Variants in PAX2 observed in about 807,000 individuals in gnomAD.
The protein encoded by PAX2 is paired box 2, also known as paired box protein Pax-2.
A neutral mutation model predicts 41.7 loss-of-function variants in PAX2; 9 were observed. The ratio of observed to expected loss-of-function variants is 0.22; its 90% confidence interval spans 0.13 to 0.38. The LOEUF (loss-of-function observed/expected upper bound fraction) is 0.38, where lower values mean the gene tolerates loss of function less well. PAX2 is among the 10% of genes least tolerant of loss of function. The pLI, the probability that PAX2 is intolerant of heterozygous loss-of-function variation, is 1.00. For synonymous variants in PAX2, 221 were observed against 212.7 expected (o/e 1.04, Z -0.34); for missense variants, 418 against 531.6 (o/e 0.79, Z 2.10).
intron 3 of PAX2, among the ~76,000 whole-genome samples, chr10:100,768,522 G>A (rs1190347594): frequency 1.3e-5 from 2 of 152,222 alleles, no homozygotes; most frequent in African/African-American, 2.4e-5. Flanking sequence ...GCACATGCAT[G>A]GGAGAGGATA....
chr10:100,781,420 C>G, intron 5 of PAX2, 55 bp downstream of exon 5: 1 of 1,603,270 alleles, frequency 6.2e-7, no homozygotes, highest in Non-Finnish European at 8.5e-7. Flanking sequence ...TCCTTGGACT[C>G]CAAGCTCCGG....
At chr10:100,799,063 T>C (rs893010895) in intron 5 of PAX2, among the ~76,000 whole-genome samples, 1 of 152,222 alleles carries the variant, frequency 6.6e-6, no homozygotes, top group Admixed American at 6.5e-5. Flanking sequence ...GGGGGCAGCC[T>C]GGGGGTGAAC....
At chr10:100,801,740 G>T (rs1847572611) in intron 5 of PAX2, among the ~76,000 whole-genome samples, 2 of 152,238 alleles carry the variant, frequency 1.3e-5, no homozygotes, top group South Asian at 4.1e-4. Context: ...CGAGAGGAAG[G>T]CTGTGCCCTG....
chr10:100,793,523 T>C (rs973758307), intron 5 of PAX2, among the ~76,000 whole-genome samples: 2 of 152,196 alleles, frequency 1.3e-5, no homozygotes, highest in African/African-American at 4.8e-5. Context: ...GCCACGCTCT[T>C]CTTCTCCACA....
intron 3 of PAX2, among the ~76,000 whole-genome samples, chr10:100,774,358 G>T (rs1564719664): frequency 6.6e-6 from 1 of 152,110 alleles, no homozygotes; most frequent in Non-Finnish European, 1.5e-5. Flanking sequence ...ACGACCCCCT[G>T]CCATCCCTTG....
chr10:100,769,779 C>A (rs1320823432), intron 3 of PAX2, among the ~76,000 whole-genome samples: 1 of 151,946 alleles, frequency 6.6e-6, no homozygotes, highest in East Asian at 1.9e-4. Flanking sequence ...ATACCAGACA[C>A]CATTGCTAGG....
In PAX2 at chr10:100,827,159, A is replaced by G. The variant is rs1054048208; in HGVS notation, c.1108+64A>G. On this transcript the variant is annotated intron_variant, in intron 9 of 9. Transcript: ENST00000355243. The surrounding 1 kb of genome is among the most constrained non-coding windows in gnomAD (Gnocchi z 8.5). ...CCGCGCGGCTTCTGGGCACGGTCCC[A>G]CTCCCGGCGACCCGACCTCTGGGGA... 1 of 1,329,140 alleles carries G rather than the reference A, an allele frequency of 7.5e-7. No individual in the cohort carries two copies. The highest frequency in any genetic ancestry group is 1.1e-6 in the Non-Finnish European group (1 of 926,970). The allele number at this position is 1,329,140 out of a possible 1,614,324, so 82.3% of individuals were successfully genotyped here. A position where few individuals can be genotyped will look rare whatever the true frequency, so the allele number is the denominator to read the frequency against.
rs973350534 is a variant in PAX2, at chr10:100,801,824, G to T, written c.617-4606G>T. 2.6e-5 allele frequency among the ~76,000 whole-genome samples: 4 copies of T among 152,228 alleles called. 1 individual carries two copies. The highest frequency in any genetic ancestry group is 1.3e-4 in the Admixed American group (2 of 15,284). ...GCTGCAGAGTGAAATGATTTAGAGG[G>T]CAAGCTCTGTACTCCGACAGACCTG... On this transcript the variant is annotated intron_variant, in intron 5 of 9. Transcript: ENST00000355243.
chr10:100,776,127 C>A (rs1846378452), intron 3 of PAX2, among the ~76,000 whole-genome samples: 1 of 152,224 alleles, frequency 6.6e-6, no homozygotes, highest in Non-Finnish European at 1.5e-5. Context: ...GTCTTTCCTA[C>A]CCAAGAAGGC....
intron 5 of PAX2, among the ~76,000 whole-genome samples, chr10:100,795,422 C>T (rs1847286457): frequency 2.6e-5 from 4 of 152,094 alleles, no homozygotes; most frequent in African/African-American, 9.7e-5. Context: ...ACGAAAAAAA[C>T]AAAGGAGCAG....
intron 5 of PAX2, among the ~76,000 whole-genome samples, chr10:100,783,713 G>A (rs931662416): frequency 6.9e-6 from 1 of 144,150 alleles, no homozygotes; most frequent in Admixed American, 7.3e-5. Context: ...GGAAGGGACA[G>A]GAGCAGGGCT....
Position 100,750,721 on chromosome 10 carries a change from G to C in PAX2, c.240G>C (p.Pro80=). The C allele has an allele frequency of 1.2e-6, 2 of 1,614,206 alleles. No individual in the cohort carries two copies. Among genetic ancestry groups the C allele is most frequent in the Non-Finnish European group, 1.7e-6 (2 of 1,180,040 alleles). ...GRYYETGSIK[P]GVIGGSKPKV... is the part of the protein sequence containing the mutation. ...ACTACGAGACCGGCAGCATCAAGCC[G>C]GGTGTGATCGGTGGCTCCAAGCCCA... The change falls in exon 3 of 10, where the codon CCG becomes CCC. Residue 80 remains proline (P), a synonymous_variant. Transcript: ENST00000355243. The surrounding 1 kb of genome is among the most constrained non-coding windows in gnomAD (Gnocchi z 4.1).
At position 100,781,150 on chromosome 10, in the gene PAX2, T is replaced by A. The variant is rs986586113; in HGVS notation, c.497-96T>A. The stretch of plus-strand genomic sequence containing the variant: ...GGGCTCCTCATCCCTCCTTATGTCC[T>A]CTGCTTCTCTCTGCCCCCCAGCCTT... On this transcript the variant is annotated intron_variant, in intron 4 of 9. Transcript: ENST00000355243. 3 of 1,246,210 alleles carry A rather than the reference T, an allele frequency of 2.4e-6. No individual in the cohort carries two copies. The African/African-American group carries it at 4.4e-5, about 18-fold the overall frequency. 77.2% of individuals were successfully genotyped at this position (1,246,210 alleles called of 1,614,324 possible).
chr10:100,826,942 C>T lies in PAX2; in HGVS notation c.1022-67C>T. On this transcript the variant is annotated intron_variant, in intron 8 of 9. Transcript: ENST00000355243. The surrounding 1 kb of genome is among the most constrained non-coding windows in gnomAD (Gnocchi z 5.5). Reference sequence around the variant, plus strand: ...CGGGAGGAGCGGGCGGAGAAGCCACCGGCCGGACTCGTGGGGTCCGCCCTG... The same window carrying T: ...CGGGAGGAGCGGGCGGAGAAGCCACTGGCCGGACTCGTGGGGTCCGCCCTG... The T allele has an allele frequency of 1.3e-5, 14 of 1,098,072 alleles. No homozygotes were observed. Among genetic ancestry groups the T allele is most frequent in the Non-Finnish European group, 1.8e-5 (13 of 718,528 alleles). The allele number at this position is 1,098,072 out of a possible 1,614,324, so 68.0% of individuals were successfully genotyped here.
chr10:100,803,319 C>A (rs1847635931), intron 5 of PAX2, among the ~76,000 whole-genome samples: 1 of 152,096 alleles, frequency 6.6e-6, no homozygotes, highest in South Asian at 2.1e-4. Flanking sequence ...TGGGCTTCCT[C>A]CTTCCCTGAG....
At chr10:100,767,511 G>A (rs930208546) in intron 3 of PAX2, among the ~76,000 whole-genome samples, 3 of 152,138 alleles carry the variant, frequency 2.0e-5, no homozygotes, top group South Asian at 2.1e-4. Context: ...GGTGGTGGTG[G>A]GAGGGGAGCT....
At position 100,748,850 on chromosome 10, in the gene PAX2, C is replaced by T. The variant is rs1845316831; in HGVS notation, c.44-896C>T. Reference sequence around the variant, plus strand: ...TCGGGTTTGGGTCGGCTACACAGGGCGCCCCGAGAGTTATTAACTCGCCAG... The same window carrying T: ...TCGGGTTTGGGTCGGCTACACAGGGTGCCCCGAGAGTTATTAACTCGCCAG... On this transcript the variant is annotated intron_variant, in intron 1 of 9. Coordinates refer to ENST00000355243, the MANE Select transcript of PAX2 (RefSeq NM_000278.5). The surrounding 1 kb of genome is among the most constrained non-coding windows in gnomAD (Gnocchi z 5.0). 2 of 985,302 alleles carry T rather than the reference C, an allele frequency of 2.0e-6. No individual in the cohort carries two copies. Among genetic ancestry groups the T allele is most frequent in the South Asian group, 4.7e-5 (1 of 21,290 alleles). The allele number at this position is 985,302 out of a possible 1,614,324, so 61.0% of individuals were successfully genotyped here.
rs1844761771 is a variant in PAX2 at position 100,735,701 on chromosome 10, A to G, written c.-8A>G. The G allele has an allele frequency of 2.8e-6, 3 of 1,053,984 alleles. No homozygotes were observed. In the South Asian group the frequency reaches 1.4e-4, roughly 48 times the overall value. 65.3% of individuals were successfully genotyped at this position (1,053,984 alleles called of 1,614,324 possible). On this transcript the variant is annotated 5_prime_UTR_variant, in exon 1 of 10. Coordinates refer to the PAX2 transcript ENST00000679374. ...GCCCCAGGACGCGGCGGCCGCGGGG[A>G]GCCTAGCATGGAAGAGCGCGCGGGT...
chr10:100,827,160 C>T lies in PAX2; in HGVS notation c.1108+65C>T. 1 of 1,331,212 alleles carries T rather than the reference C, an allele frequency of 7.5e-7. No homozygotes were observed. Among genetic ancestry groups the T allele is most frequent in the Non-Finnish European group, 1.1e-6 (1 of 928,504 alleles). The allele number at this position is 1,331,212 out of a possible 1,614,324, so 82.5% of individuals were successfully genotyped here. A position where few individuals can be genotyped will look rare whatever the true frequency, so the allele number is the denominator to read the frequency against. ...CGCGCGGCTTCTGGGCACGGTCCCA[C>T]TCCCGGCGACCCGACCTCTGGGGAC... On this transcript the variant is annotated intron_variant, in intron 9 of 9. Transcript: ENST00000355243. The surrounding 1 kb of genome is among the most constrained non-coding windows in gnomAD (Gnocchi z 8.5).
Sources: gnomAD v4.1 joint callset for allele counts (sites outside exome capture counted in the v4.1 genomes callset) on GRCh38, gnomAD v4.1.1 for gene constraint, Gnocchi (gnomAD v3.1) non-coding constraint, MANE v1.5 for transcripts, NCBI Gene and HGNC (gene_info 2026-07-23, HGNC 2026-07-21) for gene names.